Variants in DGKD observed in about 807,000 individuals in gnomAD.
DGKD encodes the protein diacylglycerol kinase delta, also known as DAG kinase delta.
DGKD carries 68 observed loss-of-function variants against 154.4 expected under a neutral mutation model. The ratio of observed to expected loss-of-function variants is 0.44; its 90% CI spans 0.36 to 0.54. The LOEUF (loss-of-function observed/expected upper bound fraction) is 0.54. Ranked by LOEUF, DGKD falls within the 20% of genes least tolerant of loss-of-function variation. DGKD has a pLI of 0.00. For synonymous variants in DGKD, 693 were observed against 638.0 expected, an observed-to-expected ratio of 1.09 and a Z score of -1.30; for missense variants, 1,343 against 1,593.6, an observed-to-expected ratio of 0.84 and a Z score of 2.68.
intron 3 of DGKD, among the ~76,000 whole-genome samples, chr2:233,410,636 C>A (rs545072758): frequency 6.6e-6 from 1 of 152,326 alleles, no homozygotes; most frequent in South Asian, 2.1e-4. Context: ...TATATGGTCA[C>A]CCTGCTTATT....
At chr2:233,428,533 AC>A (rs1256570943) in intron 3 of DGKD, among the ~76,000 whole-genome samples, 5 of 152,322 alleles carry the variant, frequency 3.3e-5, no homozygotes, top group African/African-American at 1.2e-4. Context: ...ATCAGGTTGC[AC>A]CAACTGGCAC....
At chr2:233,409,615 A>C (rs970165534) in intron 3 of DGKD, among the ~76,000 whole-genome samples, 1 of 151,980 alleles carries the variant, frequency 6.6e-6, no homozygotes, top group Non-Finnish European at 1.5e-5. Flanking sequence ...TTCACAGTAC[A>C]TAGTGGTAGG....
In DGKD at chr2:233,438,202, C is replaced by T. The variant is rs78322162; in HGVS notation, c.923-15C>T. ...CGTGGCCTATATATTTTCTTCTGTT[C>T]GTTCTTGCGTCCAGGGTTCTGGAAG... On this transcript the variant is annotated splice_polypyrimidine_tract_variant and intron_variant, in intron 8 of 29. Coordinates refer to ENST00000264057, the MANE Select transcript of DGKD (RefSeq NM_152879.3). This position sits in a 1 kb window ranked among gnomAD's most constrained non-coding sequence, Gnocchi z 4.1. 1.6e-5 allele frequency: 26 copies of T among 1,612,108 alleles called. No individual in the cohort carries two copies. Among genetic ancestry groups the T allele is most frequent in the Admixed American group, 6.7e-5 (4 of 59,826 alleles).
At chr2:233,356,589 A>G (rs1275843330) in intron 1 of DGKD, among the ~76,000 whole-genome samples, 1 of 152,204 alleles carries the variant, frequency 6.6e-6, no homozygotes, top group East Asian at 1.9e-4. Flanking sequence ...TTTGTTGGTT[A>G]GGAGGTGTTT....
Position 233,458,847 on chromosome 2 carries a change from G to A in DGKD, c.2694+450G>A, listed in dbSNP as rs2063538510. ...GACCTCAAATGATCCACCCACCTTGGCCTCCCAAAGTGTTGGGATTACAGG... is the reference window on the plus strand; with the variant it reads ...GACCTCAAATGATCCACCCACCTTGACCTCCCAAAGTGTTGGGATTACAGG... On this transcript the variant is annotated intron_variant, in intron 22 of 29. Coordinates refer to ENST00000264057, the MANE Select transcript of DGKD (RefSeq NM_152879.3). The surrounding 1 kb of genome is among the most constrained non-coding windows in gnomAD (Gnocchi z 6.6). Among the ~76,000 whole-genome samples, 1 of 152,050 alleles carries A rather than the reference G, an allele frequency of 6.6e-6. No individual in the cohort carries two copies. The highest frequency in any genetic ancestry group is 2.4e-5 in the African/African-American group (1 of 41,394).
chr2:233,468,675 A>G (rs2063904158), intron 29 of DGKD, 122 bp downstream of exon 29: 2 of 1,479,892 alleles, frequency 1.4e-6, no homozygotes, highest in Non-Finnish European at 1.8e-6. Flanking sequence ...GCTTTCGTGT[A>G]TACCTCAGGT....
In DGKD at chr2:233,388,141, A is replaced by G. The variant is rs577946416; in HGVS notation, c.157-116A>G. On this transcript the variant is annotated intron_variant, in intron 1 of 29. Transcript: ENST00000264057. Reference sequence around the variant, plus strand: ...GTCAAGGTCTGTTGAGAGTGTGAGAAATATTTTCTGTTAGAGACACGAATA... The same window carrying G: ...GTCAAGGTCTGTTGAGAGTGTGAGAGATATTTTCTGTTAGAGACACGAATA... The G allele has an allele frequency of 7.6e-4, 1,176 of 1,544,364 alleles. 3 individuals are homozygous for G. The highest frequency in any genetic ancestry group is 1.8e-3 in the Middle Eastern group (10 of 5,692).
chr2:233,390,980 T>G (rs1703567412), intron 3 of DGKD, among the ~76,000 whole-genome samples: 1 of 152,152 alleles, frequency 6.6e-6, no homozygotes, highest in South Asian at 2.1e-4. Context: ...TGATCCACCC[T>G]CCTTGGCCTC....
chr2:233,460,246 C>T lies in DGKD; in HGVS notation c.2882C>T (p.Pro961Leu), dbSNP rs747739417. The change falls in exon 24 of 30, where the codon CCC (proline) becomes CTC (leucine). Residue 961 changes from proline (P) to leucine (L), a missense_variant. Pro to Leu is a moderately conservative substitution (Grantham distance 98, BLOSUM62 -3). This residue lies in a region of DGKD where 429 missense variants were observed against 496.3 expected (regional missense o/e 0.86). Transcript: ENST00000264057. ...GAAGACAAGCAGAAGTGCGAGCTGC[C>T]CCGCCCTCCATCCTGTTCCCTGCAC... is the stretch of plus-strand genomic sequence containing the variant. ...SWEDKQKCEL[P>L]RPPSCSLHPE... The T allele has an allele frequency of 2.5e-6, 4 of 1,613,884 alleles. No homozygotes were observed. The South Asian group carries it at 4.4e-5, about 18-fold the overall frequency.
At chr2:233,450,371 C>T (rs1485100264) in intron 16 of DGKD, among the ~76,000 whole-genome samples, 7 of 152,156 alleles carry the variant, frequency 4.6e-5, no homozygotes, top group East Asian at 1.9e-4. Context: ...TCCATCAGGG[C>T]GAGGACTGCC....
rs1299210865 is a variant in DGKD, at chr2:233,449,967, A to G, written c.1889-15A>G. 5.7e-6 allele frequency: 9 copies of G among 1,575,474 alleles called. No homozygotes were observed. The highest frequency in any genetic ancestry group is 1.8e-5 in the Admixed American group (1 of 55,510). On this transcript the variant is annotated splice_polypyrimidine_tract_variant and intron_variant, in intron 15 of 29. Transcript: ENST00000264057. This position sits in a 1 kb window ranked among gnomAD's most constrained non-coding sequence, Gnocchi z 5.3. ...TGCACCCGCGTGCTCAGCCGCACAC[A>G]CTCTCCTTGCACAGCTGTCGATGAG...
Position 233,356,832 on chromosome 2 carries a change from T to C in DGKD, c.156+2158T>C, listed in dbSNP as rs551629327. Among the ~76,000 whole-genome samples, 55 of 152,162 alleles carry C rather than the reference T, an allele frequency of 3.6e-4. No homozygotes were observed. The South Asian group carries it at 8.7e-3, about 24-fold the overall frequency. On this transcript the variant is annotated intron_variant, in intron 1 of 29. Transcript: ENST00000264057. ...ATGTAATAGCTCCATTTTTTTTTTT[T>C]CCAGCAGATAAGCCATTCACAAAAT...
In DGKD at chr2:233,354,536, C is replaced by T. The variant is rs778433718; in HGVS notation, c.18C>T (p.Gly6=). The T allele has an allele frequency of 8.8e-5, 87 of 992,694 alleles. 1 individual carries two copies. The highest frequency in any genetic ancestry group is 6.3e-5 in the Admixed American group (1 of 15,816). 61.5% of individuals were successfully genotyped at this position (992,694 alleles called of 1,614,324 possible). A position where few individuals can be genotyped will look rare whatever the true frequency, so the allele number is the denominator to read the frequency against. Reference sequence around the variant, plus strand: ...CCGGCAGCATGGCGGCGGCGGCGGGCGCCCCTCCGCCGGGTCCCCCGCAAC... The same window carrying T: ...CCGGCAGCATGGCGGCGGCGGCGGGTGCCCCTCCGCCGGGTCCCCCGCAAC... The part of the protein sequence containing the change: MAAAA[G]APPPGPPQPP... The change falls in exon 1 of 30, where the codon GGC becomes GGT. Residue 6 remains glycine, a synonymous_variant. Transcript: ENST00000264057. This position sits in a 1 kb window ranked among gnomAD's most constrained non-coding sequence, Gnocchi z 4.8.
At chr2:233,386,400 C>T (rs1257795095) in intron 1 of DGKD, among the ~76,000 whole-genome samples, 1 of 152,124 alleles carries the variant, frequency 6.6e-6, no homozygotes. Context: ...AAACAAATAC[C>T]ATTTCCCAGT....
intron 1 of DGKD, among the ~76,000 whole-genome samples, chr2:233,375,491 A>G (rs374819327): frequency 6.6e-6 from 1 of 152,104 alleles, no homozygotes; most frequent in East Asian, 1.9e-4. Context: ...CAGGTGAGGA[A>G]GCAGCTGGTT....
chr2:233,357,604 C>G lies in DGKD; in HGVS notation c.156+2930C>G, dbSNP rs142361517. Among the ~76,000 whole-genome samples the G allele has an allele frequency of 9.4e-3, 1,389 of 147,714 alleles. 23 individuals carry two copies. Among genetic ancestry groups the G allele is most frequent in the African/African-American group, 0.031 (1,244 of 39,902 alleles). On this transcript the variant is annotated intron_variant, in intron 1 of 29. Transcript: ENST00000264057. ...CCAGGCTGGAGTGCAGTGGTGCGAT[C>G]TCAGCTACGGCAACCTTTGCCTCCT... is the stretch of plus-strand genomic sequence containing the variant.
chr2:233,432,300 C>T (rs1441748139), intron 3 of DGKD, among the ~76,000 whole-genome samples: 3 of 93,308 alleles, frequency 3.2e-5, no homozygotes, highest in East Asian at 2.6e-4. Flanking sequence ...CCAAGGTGGG[C>T]GGATCATGAG....
At position 233,457,366 on chromosome 2, in the gene DGKD, T is replaced by G; in HGVS notation, c.2580+38T>G. ...TGTGAGCGGGTGGGCCTGAGCTCAG[T>G]GGGGAAGAGCTGTCTGAGAGCAGGG... is the stretch of plus-strand genomic sequence containing the variant. On this transcript the variant is annotated intron_variant, in intron 21 of 29. Coordinates refer to ENST00000264057, the MANE Select transcript of DGKD (RefSeq NM_152879.3). This position sits in a 1 kb window ranked among gnomAD's most constrained non-coding sequence, Gnocchi z 5.5. 6.9e-7 allele frequency: 1 copy of G among 1,440,592 alleles called. No homozygotes were observed. Among genetic ancestry groups the G allele is most frequent in the Non-Finnish European group, 9.7e-7 (1 of 1,028,466 alleles). 89.2% of individuals were successfully genotyped at this position (1,440,592 alleles called of 1,614,324 possible). A position where few individuals can be genotyped will look rare whatever the true frequency, so the allele number is the denominator to read the frequency against.
At chr2:233,376,351 A>G (rs756009679) in intron 1 of DGKD, among the ~76,000 whole-genome samples, 4 of 152,234 alleles carry the variant, frequency 2.6e-5, no homozygotes, top group Non-Finnish European at 4.4e-5. Flanking sequence ...CTGGGTCTGA[A>G]GTCCACATCT....
Sources: allele counts gnomAD v4.1 joint callset (sites outside exome capture counted in the v4.1 genomes callset), GRCh38; gene constraint gnomAD v4.1.1; regional missense constraint gnomAD v4.1.1; non-coding constraint Gnocchi (gnomAD v3.1); transcripts MANE v1.5; gene names NCBI Gene and HGNC (gene_info 2026-07-23, HGNC 2026-07-21).